Variants in LOC128462377 observed in about 807,000 individuals in gnomAD.
the LOC128462377 span, chr16:89,324,238 A>G: frequency 8.3e-7 from 1 of 1,203,892 alleles, no homozygotes; most frequent in Non-Finnish European, 1.1e-6. Flanking sequence ...CCCCTCAGAC[A>G]CATGCTTGGT....
the LOC128462377 span, among the ~76,000 whole-genome samples, chr16:89,381,811 G>A: frequency 6.6e-6 from 1 of 152,134 alleles, no homozygotes; most frequent in East Asian, 1.9e-4. Flanking sequence ...GACCCCACGC[G>A]AATGGGGGGA....
the LOC128462377 span, among the ~76,000 whole-genome samples, chr16:89,352,169 C>T: frequency 4.0e-4 from 61 of 152,198 alleles, 1 homozygote; most frequent in African/African-American, 1.4e-3. Context: ...GGATCACAGG[C>T]GTGAGCCATT....
At chr16:89,334,495 C>A in the LOC128462377 span, among the ~76,000 whole-genome samples, 4 of 152,164 alleles carry the variant, frequency 2.6e-5, no homozygotes, top group Non-Finnish European at 4.4e-5. Flanking sequence ...TGTCCCACCA[C>A]GTCCAACTCC....
At chr16:89,361,531 T>C in the LOC128462377 span, 1 of 152,274 alleles carries the variant, frequency 6.6e-6, no homozygotes, top group Non-Finnish European at 1.5e-5. Context: ...TCTTCTTTGG[T>C]TATGATGCTA....
chr16:89,415,389 C>G, the LOC128462377 span, among the ~76,000 whole-genome samples: 2 of 150,084 alleles, frequency 1.3e-5, no homozygotes, highest in Non-Finnish European at 3.0e-5. Context: ...CTCAGCCTCC[C>G]GAGTAGCTGG....
chr16:89,354,820 G>A, the LOC128462377 span, among the ~76,000 whole-genome samples: 2 of 152,118 alleles, frequency 1.3e-5, no homozygotes, highest in African/African-American at 4.8e-5. Context: ...CCAGGAGGCG[G>A]AGGTTGCAGT....
At chr16:89,317,783 T>C in the LOC128462377 span, among the ~76,000 whole-genome samples, 1 of 152,200 alleles carries the variant, frequency 6.6e-6, no homozygotes, top group South Asian at 2.1e-4. Context: ...TCATGTTTTA[T>C]TTTAGGAAAT....
chr16:89,355,390 G>C, the LOC128462377 span, among the ~76,000 whole-genome samples: 1 of 152,222 alleles, frequency 6.6e-6, no homozygotes, highest in Non-Finnish European at 1.5e-5. Flanking sequence ...CAGAAGAGCT[G>C]ATTAAGTTTC....
the LOC128462377 span, among the ~76,000 whole-genome samples, chr16:89,365,499 T>A: frequency 1.3e-5 from 2 of 152,346 alleles, no homozygotes; most frequent in South Asian, 2.1e-4. Flanking sequence ...CTTACCGTGC[T>A]GCTGAGACAC....
At chr16:89,346,250 GAAA>G in the LOC128462377 span, among the ~76,000 whole-genome samples, 2 of 96,878 alleles carry the variant, frequency 2.1e-5, no homozygotes, top group Non-Finnish European at 3.9e-5. Flanking sequence ...CCCGTCTCAG[GAAA>G]AAAAAAAAAA....
chr16:89,328,147 A>G, the LOC128462377 span, among the ~76,000 whole-genome samples: 1 of 98,520 alleles, frequency 1.0e-5, no homozygotes, highest in South Asian at 2.9e-4. Flanking sequence ...TTAAAGCCGC[A>G]ATGAGATATT....
chr16:89,345,316 G>A, the LOC128462377 span, among the ~76,000 whole-genome samples: 6 of 127,064 alleles, frequency 4.7e-5, no homozygotes, highest in East Asian at 1.0e-3. Flanking sequence ...GAAAGCACTC[G>A]ACCCCACAGA....
At chr16:89,347,280 A>G in the LOC128462377 span, among the ~76,000 whole-genome samples, 1 of 152,278 alleles carries the variant, frequency 6.6e-6, no homozygotes, top group South Asian at 2.1e-4. Flanking sequence ...ACATGTGTGT[A>G]CCTGTATGTG....
the LOC128462377 span, among the ~76,000 whole-genome samples, chr16:89,403,110 A>G: frequency 7.2e-5 from 11 of 152,278 alleles, no homozygotes; most frequent in South Asian, 2.3e-3. Flanking sequence ...ACACATCATC[A>G]ACCTCTCAGC....
At chr16:89,368,224 C>T in the LOC128462377 span, among the ~76,000 whole-genome samples, 1 of 151,390 alleles carries the variant, frequency 6.6e-6, no homozygotes, top group Admixed American at 6.6e-5. Context: ...GATACAGATT[C>T]TTGCTCTGTT....
the LOC128462377 span, among the ~76,000 whole-genome samples, chr16:89,330,656 CTGGGG>C: frequency 2.3e-4 from 1 of 4,270 alleles, no homozygotes; most frequent in Non-Finnish European, 5.4e-4. Flanking sequence ...AGTACAGTGA[CTGGGG>C]GGGGGGGGGG....
At chr16:89,339,499 G>C in the LOC128462377 span, among the ~76,000 whole-genome samples, 5 of 152,186 alleles carry the variant, frequency 3.3e-5, 1 homozygote, top group Non-Finnish European at 5.9e-5. Context: ...TGAAGAGTCA[G>C]ATATAAAGGT....
the LOC128462377 span, among the ~76,000 whole-genome samples, chr16:89,334,144 TAAAAAAAAA>T: frequency 4.3e-4 from 18 of 41,416 alleles, no homozygotes; most frequent in African/African-American, 1.5e-3. Flanking sequence ...CCCTGTGTTT[TAAAAAAAAA>T]AAAAAAAAAA....
chr16:89,341,460 G>A, the LOC128462377 span, among the ~76,000 whole-genome samples: 4 of 152,210 alleles, frequency 2.6e-5, no homozygotes, highest in African/African-American at 9.6e-5. Flanking sequence ...GAAGGTTCCA[G>A]AAGGCCTGTG....
Sources: allele counts gnomAD v4.1 joint callset (sites outside exome capture counted in the v4.1 genomes callset), GRCh38; gene constraint gnomAD v4.1.1; transcripts MANE v1.5.